LCT: variants seen among roughly 807,000 people sequenced by gnomAD.
LCT encodes the protein lactase.
A neutral mutation model predicts 173.0 loss-of-function variants in LCT; 90 were observed. The ratio of observed to expected loss-of-function variants is 0.52; its 90% CI spans 0.44 to 0.62. The LOEUF is 0.62. LCT is among the 20% of genes least tolerant of loss of function. The pLI is 0.00. For synonymous variants in LCT, 853 were observed against 957.6 expected (o/e 0.89, Z 2.02); for missense variants, 1,864 against 2,431.4 (o/e 0.77, Z 4.91).
chr2:135,804,060 G>T lies in LCT; in HGVS notation c.4533C>A (p.Ile1511=), dbSNP rs1432947088. The T allele has an allele frequency of 1.2e-6, 2 of 1,614,074 alleles. No individual in the cohort carries two copies. Among genetic ancestry groups the T allele is most frequent in the East Asian group, 2.2e-5 (1 of 44,870 alleles). The stretch of plus-strand genomic sequence containing the variant: ...CTGCATACTCCTTAAACCGCTGCAC[G>T]ATGGTCTCATTCTCCCAGCCTCCTA... ...QDVGGWENET[I]VQRFKEYADV... Residue 1511 remains isoleucine, a synonymous_variant, in exon 11 of 17, where the codon ATC becomes ATA. Coordinates refer to ENST00000264162, the MANE Select transcript of LCT (RefSeq NM_002299.4).
At chr2:135,797,955 T>A (rs2015532) in intron 13 of LCT, 74 bp downstream of exon 13, 2 of 842,792 alleles carry the variant, frequency 2.4e-6, no homozygotes, top group Non-Finnish European at 4.2e-6. Flanking sequence ...AGCTCAGTCA[T>A]GGTAACTTGC....
chr2:135,831,512 T>G (rs10928551), intron 2 of LCT, among the ~76,000 whole-genome samples: 149,679 of 152,304 alleles, frequency 0.98, 73,589 homozygotes, highest in East Asian at 1. Context: ...CAGAAGCATT[T>G]CACAGCATGG....
rs1249815848 is a variant in LCT, at chr2:135,836,024, A to T, written c.640+506T>A. ...TATATATATATATATATGTATACAT[A>T]TTTTTTTTTTTTGAGATTGTGTCTT... On this transcript the variant is annotated intron_variant, in intron 1 of 16. Coordinates refer to ENST00000264162, the MANE Select transcript of LCT (RefSeq NM_002299.4). Among the ~76,000 whole-genome samples, 103 of 106,176 alleles carry T rather than the reference A, an allele frequency of 9.7e-4. 3 individuals carry two copies. The highest frequency in any genetic ancestry group is 3.9e-3 in the East Asian group (10 of 2,544). The allele number at this position is 106,176 out of a possible 152,430, so 69.7% of individuals were successfully genotyped here.
chr2:135,829,210 A>G (rs1161221835), intron 3 of LCT, among the ~76,000 whole-genome samples: 2 of 152,122 alleles, frequency 1.3e-5, no homozygotes, highest in East Asian at 3.9e-4. Flanking sequence ...AATTACCATC[A>G]TAACCATTAA....
In LCT at chr2:135,817,470, G is replaced by A. The variant is rs1230515484; in HGVS notation, c.1578C>T (p.Cys526=). ...TCACACGGTCCCCAAATGTGGAGAA[G>A]CAGAAGGCCGCATAGTCCAGGAAGG... ...VDAFLDYAAF[C]FSTFGDRVKL... The change falls in exon 6 of 17, where the codon TGC becomes TGT. Residue 526 remains cysteine (C), a synonymous_variant. Coordinates refer to ENST00000264162, the MANE Select transcript of LCT (RefSeq NM_002299.4). 1 of 1,614,200 alleles carries A rather than the reference G, an allele frequency of 6.2e-7. No individual in the cohort carries two copies. The highest frequency in any genetic ancestry group is 8.5e-7 in the Non-Finnish European group (1 of 1,180,044).
At chr2:135,805,524 T>A (rs1431956589) in intron 9 of LCT, among the ~76,000 whole-genome samples, 2 of 152,214 alleles carry the variant, frequency 1.3e-5, no homozygotes, top group African/African-American at 2.4e-5. Context: ...CATCCTATTT[T>A]CTGTATGAGT....
At chr2:135,793,925 G>A (rs1395828714) in intron 14 of LCT, among the ~76,000 whole-genome samples, 4 of 146,956 alleles carry the variant, frequency 2.7e-5, no homozygotes, top group African/African-American at 1.0e-4. Flanking sequence ...AAAATTAGCC[G>A]AGACCATTCT....
At position 135,821,944 on chromosome 2, in the gene LCT, A is replaced by C. The variant is rs2077836364; in HGVS notation, c.986+76T>G. 4 of 887,638 alleles carry C rather than the reference A, an allele frequency of 4.5e-6. No homozygotes were observed. In the Admixed American group the frequency reaches 7.3e-5, roughly 16 times the overall value. The allele number at this position is 887,638 out of a possible 1,614,324, so 55.0% of individuals were successfully genotyped here. A position where few individuals can be genotyped will look rare whatever the true frequency, so the allele number is the denominator to read the frequency against. ...AAGAGTTGATGACAACAGTCCTATA[A>C]GATTATACATGTAAAAGAAACAGAG... is the stretch of plus-strand genomic sequence containing the variant. On this transcript the variant is annotated intron_variant, in intron 5 of 16. Transcript: ENST00000264162.
At chr2:135,826,904 A>T (rs763570391) in intron 3 of LCT, among the ~76,000 whole-genome samples, 1 of 152,242 alleles carries the variant, frequency 6.6e-6, no homozygotes, top group Non-Finnish European at 1.5e-5. Flanking sequence ...TCACAAAAAC[A>T]ACTGAAACTG....
rs532426496 is a variant in LCT, at chr2:135,818,049, A to G, written c.999T>C (p.Ser333=). The G allele has an allele frequency of 6.2e-7, 1 of 1,613,398 alleles. No homozygotes were observed. Among genetic ancestry groups the G allele is most frequent in the Admixed American group, 1.7e-5 (1 of 60,030 alleles). The part of the protein sequence containing the change: ...SSSSKKSMSC[S]LTGSLALQPD... ...GCTGAAGGGCCAGGCTGCCAGTCAG[A>G]GAACAAGACATGCTGCAGGATTGAA... Residue 333 remains serine, a synonymous_variant, in exon 6 of 17, where the codon TCT becomes TCC. Transcript: ENST00000264162.
At chr2:135,789,088 A>G (rs1015211763) in intron 16 of LCT, among the ~76,000 whole-genome samples, 7 of 152,190 alleles carry the variant, frequency 4.6e-5, no homozygotes, top group African/African-American at 1.7e-4. Flanking sequence ...ATTTTGGAGT[A>G]TTTTGGATTT....
At chr2:135,788,689 ACT>A in intron 16 of LCT, 145 bp from the exon 17 acceptor site, 1 of 700,784 alleles carries the variant, frequency 1.4e-6, no homozygotes, top group South Asian at 1.5e-5. Context: ...ATCCCCTTTC[ACT>A]GTGTGTCAGG....
At chr2:135,830,266 G>A (rs893785180) in intron 2 of LCT, among the ~76,000 whole-genome samples, 2 of 152,080 alleles carry the variant, frequency 1.3e-5, no homozygotes, top group Non-Finnish European at 2.9e-5. Flanking sequence ...GGTCCTGGTC[G>A]TCGACACCCC....
At chr2:135,797,353 C>T (rs1448539631) in intron 13 of LCT, among the ~76,000 whole-genome samples, 1 of 152,142 alleles carries the variant, frequency 6.6e-6, no homozygotes, top group Non-Finnish European at 1.5e-5. Flanking sequence ...AGCCTTGGAG[C>T]GGTGGGCATG....
chr2:135,809,836 A>G lies in LCT; in HGVS notation c.2511T>C (p.Phe837=). 1 of 1,614,062 alleles carries G rather than the reference A, an allele frequency of 6.2e-7. No individual in the cohort carries two copies. Among genetic ancestry groups the G allele is most frequent in the Non-Finnish European group, 8.5e-7 (1 of 1,180,028 alleles). Residue 837 remains phenylalanine, a synonymous_variant, in exon 8 of 17, where the codon TTT becomes TTC. Coordinates refer to ENST00000264162, the MANE Select transcript of LCT (RefSeq NM_002299.4). This position sits in a 1 kb window ranked among gnomAD's most constrained non-coding sequence, Gnocchi z 5.5. Reference sequence around the variant, plus strand: ...CGTTCTTTTCTATGATGCTAGTGAAAAAGTAGGCAGATTTCCTGGGAGTCC... The same window carrying G: ...CGTTCTTTTCTATGATGCTAGTGAAGAAGTAGGCAGATTTCCTGGGAGTCC... ...KSRTPRKSAY[F]FTSIIEKNGF...
At chr2:135,801,718 C>T (rs192734083) in intron 11 of LCT, among the ~76,000 whole-genome samples, 4 of 151,614 alleles carry the variant, frequency 2.6e-5, no homozygotes, top group East Asian at 2.0e-4. Flanking sequence ...GGACTGCAGG[C>T]GCATGCCACC....
At chr2:135,796,760 G>C (rs946165207) in intron 13 of LCT, among the ~76,000 whole-genome samples, 2 of 152,086 alleles carry the variant, frequency 1.3e-5, no homozygotes, top group African/African-American at 4.8e-5. Flanking sequence ...TCCTTCCATG[G>C]ACCCCTCCCC....
rs1367677759 is a variant in LCT at position 135,817,817 on chromosome 2, A to T, written c.1231T>A (p.Trp411Arg). The change falls in exon 6 of 17, where the codon TGG (tryptophan) becomes AGG (arginine). Residue 411 changes from tryptophan to arginine, a missense_variant. Coordinates refer to ENST00000264162, the MANE Select transcript of LCT (RefSeq NM_002299.4). Reference sequence around the variant, plus strand: ...GTGTTCAGGGGCCTGCGTGGATCCCAGATGCTCACCCCTCTCCCACCCTCG... The same window carrying T: ...GTGTTCAGGGGCCTGCGTGGATCCCTGATGCTCACCCCTCTCCCACCCTCG... ...WAEGGRGVSI[W>R]DPRRPLNTTE... 4.3e-6 allele frequency: 7 copies of T among 1,614,006 alleles called. No homozygotes were observed. Among genetic ancestry groups the T allele is most frequent in the Admixed American group, 1.7e-5 (1 of 60,016 alleles).
chr2:135,804,689 A>G, intron 10 of LCT, 78 bp downstream of exon 10: 1 of 1,321,422 alleles, frequency 7.6e-7, no homozygotes. Flanking sequence ...CATTTTGTTT[A>G]CATGATAAAT....
Sources: allele counts gnomAD v4.1 joint callset (sites outside exome capture counted in the v4.1 genomes callset), GRCh38; gene constraint gnomAD v4.1.1; non-coding constraint Gnocchi (gnomAD v3.1); transcripts MANE v1.5; gene names NCBI Gene and HGNC (gene_info 2026-07-23, HGNC 2026-07-21).